TNIK: variants seen among roughly 807,000 people sequenced by gnomAD.
The protein encoded by TNIK is TRAF2 and NCK-interacting protein kinase.
TNIK carries 49 observed loss-of-function variants against 191.3 expected under a neutral mutation model. That is an observed-to-expected ratio of 0.26 (90% CI 0.20 to 0.32). TNIK has a LOEUF of 0.32. TNIK is among the 10% of genes least tolerant of loss of function. TNIK has a pLI of 1.00. For missense variants in TNIK, 1,155 were observed against 1,702.3 expected, an observed-to-expected ratio of 0.68 and a Z score of 5.66; for synonymous variants, 594 against 600.9, an observed-to-expected ratio of 0.99 and a Z score of 0.17.
intron 1 of TNIK, among the ~76,000 whole-genome samples, chr3:171,452,068 T>C (rs747003429): frequency 4.6e-5 from 7 of 152,328 alleles, no homozygotes; most frequent in South Asian, 2.1e-4. Context: ...CTTTAAAATC[T>C]AGGGTTACTT....
intron 2 of TNIK, among the ~76,000 whole-genome samples, chr3:171,231,562 G>A (rs932331643): frequency 6.6e-6 from 1 of 152,092 alleles, no homozygotes; most frequent in Non-Finnish European, 1.5e-5. Context: ...GCTAGAGCAG[G>A]AAGGATGCTG....
intron 18 of TNIK, 123 bp downstream of exon 18, chr3:171,123,473 A>G (rs1346811319): frequency 3.0e-6 from 2 of 660,232 alleles, no homozygotes; most frequent in Non-Finnish European, 4.9e-6. Flanking sequence ...CAACGTTTAT[A>G]GTGCACATGG....
chr3:171,090,427 C>CTTTTTTTT (rs375076101), intron 23 of TNIK, among the ~76,000 whole-genome samples: 1 of 140,348 alleles, frequency 7.1e-6, no homozygotes, highest in African/African-American at 2.6e-5. Context: ...TTCTTTCTTT[C>CTTTTTTTT]TTTTTTTTTT....
intron 2 of TNIK, among the ~76,000 whole-genome samples, chr3:171,311,893 A>G (rs1754053660): frequency 6.6e-6 from 1 of 152,064 alleles, no homozygotes; most frequent in Admixed American, 6.6e-5. Flanking sequence ...TTATAGCCGC[A>G]TTGGCAAGAG....
At chr3:171,427,896 A>G (rs1442793218) in intron 1 of TNIK, among the ~76,000 whole-genome samples, 1 of 152,136 alleles carries the variant, frequency 6.6e-6, no homozygotes, top group African/African-American at 2.4e-5. Flanking sequence ...GAGGAGAAAG[A>G]CCAAGCAGGT....
At chr3:171,207,616 G>A (rs184399230) in intron 4 of TNIK, among the ~76,000 whole-genome samples, 276 of 152,210 alleles carry the variant, frequency 1.8e-3, no homozygotes, top group Middle Eastern at 0.014. Context: ...GGACTTCCAG[G>A]GTGCTGATAA....
intron 2 of TNIK, among the ~76,000 whole-genome samples, chr3:171,296,568 T>G (rs1346427697): frequency 1.3e-5 from 2 of 152,226 alleles, no homozygotes; most frequent in East Asian, 3.8e-4. Context: ...CAATCCTGAT[T>G]CACCACCTTC....
At chr3:171,082,871 T>C (rs942662345) in intron 26 of TNIK, among the ~76,000 whole-genome samples, 5 of 152,184 alleles carry the variant, frequency 3.3e-5, no homozygotes, top group African/African-American at 1.2e-4. Flanking sequence ...CCTTCCTCCT[T>C]CTTGAATCAA....
intron 18 of TNIK, among the ~76,000 whole-genome samples, chr3:171,114,344 A>G (rs1726359217): frequency 6.6e-6 from 1 of 152,226 alleles, no homozygotes; most frequent in African/African-American, 2.4e-5. Flanking sequence ...AAGAGTACCA[A>G]GTATGTATCA....
intron 30 of TNIK, among the ~76,000 whole-genome samples, chr3:171,068,482 T>C (rs184918235): frequency 2.3e-4 from 35 of 152,276 alleles, no homozygotes; most frequent in African/African-American, 7.9e-4. Flanking sequence ...TACCTGACCA[T>C]TGGCTTTCTC....
At chr3:171,077,892 CAT>C (rs149061789) in intron 28 of TNIK, among the ~76,000 whole-genome samples, 22 of 148,734 alleles carry the variant, frequency 1.5e-4, no homozygotes, top group East Asian at 3.9e-4. Context: ...CACACTCACA[CAT>C]ATATATATAT....
chr3:171,094,835 ATTATC>A (rs1722515672), intron 22 of TNIK, among the ~76,000 whole-genome samples: 2 of 151,844 alleles, frequency 1.3e-5, no homozygotes, highest in South Asian at 2.1e-4. Flanking sequence ...ACAATTTGCA[ATTATC>A]TTATCTTTTG....
intron 29 of TNIK, among the ~76,000 whole-genome samples, chr3:171,069,792 A>G (rs947926525): frequency 1.3e-5 from 2 of 152,214 alleles, no homozygotes; most frequent in African/African-American, 2.4e-5. Flanking sequence ...TTGTGAAACT[A>G]CAATTGCCTT....
intron 1 of TNIK, among the ~76,000 whole-genome samples, chr3:171,382,037 C>A (rs1330451312): frequency 6.6e-6 from 1 of 152,114 alleles, no homozygotes; most frequent in Non-Finnish European, 1.5e-5. Context: ...CTTCCTTAAC[C>A]CACTAATATT....
intron 2 of TNIK, among the ~76,000 whole-genome samples, chr3:171,283,357 CAGA>C (rs1358486793): frequency 6.6e-6 from 1 of 151,984 alleles, no homozygotes; most frequent in Non-Finnish European, 1.5e-5. Flanking sequence ...GAGGATTATA[CAGA>C]AGATTTGGCA....
intron 2 of TNIK, among the ~76,000 whole-genome samples, chr3:171,240,067 C>T (rs1335596864): frequency 6.6e-6 from 1 of 152,160 alleles, no homozygotes; most frequent in Admixed American, 6.5e-5. Context: ...TTAAATTTAG[C>T]TGCGATCCAA....
At chr3:171,166,766 TA>T (rs1157068453) in intron 10 of TNIK, among the ~76,000 whole-genome samples, 1 of 152,224 alleles carries the variant, frequency 6.6e-6, no homozygotes, top group Non-Finnish European at 1.5e-5. Flanking sequence ...CTGTCTTCTG[TA>T]GAGTTTTAGT....
intron 4 of TNIK, among the ~76,000 whole-genome samples, chr3:171,199,023 C>A (rs1022260204): frequency 2.0e-5 from 3 of 152,208 alleles, no homozygotes; most frequent in African/African-American, 7.2e-5. Context: ...TGACTCGAGT[C>A]TTTCAAAATT....
At chr3:171,427,691 G>A (rs1373864039) in intron 1 of TNIK, among the ~76,000 whole-genome samples, 3 of 152,152 alleles carry the variant, frequency 2.0e-5, no homozygotes, top group Non-Finnish European at 4.4e-5. Flanking sequence ...TCTAAAAGGC[G>A]TTTTAGCCAC....
Sources: allele counts gnomAD v4.1 joint callset (sites outside exome capture counted in the v4.1 genomes callset), GRCh38; gene constraint gnomAD v4.1.1; transcripts MANE v1.5; gene names NCBI Gene and HGNC (gene_info 2026-07-23, HGNC 2026-07-21).